Variants in PPP2R5E observed in about 807,000 individuals in gnomAD.
PPP2R5E encodes protein phosphatase 2 regulatory subunit B'epsilon, also known as serine/threonine-protein phosphatase 2A 56 kDa regulatory subunit epsilon isoform.
In PPP2R5E, 4 loss-of-function variants were observed where a neutral mutation model predicts 65.3. The ratio of observed to expected loss-of-function variants is 0.06; its 90% confidence interval spans 0.03 to 0.14. PPP2R5E has a LOEUF of 0.14. PPP2R5E is among the 10% of genes least tolerant of loss of function. The pLI is 1.00. For missense variants in PPP2R5E, 274 were observed against 556.1 expected (o/e 0.49, Z 5.10); for synonymous variants, 183 against 187.4 (o/e 0.98, Z 0.19).
intron 2 of PPP2R5E, among the ~76,000 whole-genome samples, chr14:63,461,935 T>G (rs1316689376): frequency 6.6e-6 from 1 of 151,992 alleles, no homozygotes; most frequent in Admixed American, 6.6e-5. Context: ...ATTTTTCACT[T>G]TTCCCAGTAC....
chr14:63,491,033 A>G (rs1440057916), intron 2 of PPP2R5E, among the ~76,000 whole-genome samples: 1 of 152,160 alleles, frequency 6.6e-6, no homozygotes, highest in Non-Finnish European at 1.5e-5. Context: ...CATATACACC[A>G]TGGAATACTA....
chr14:63,417,069 C>T (rs1436716358), intron 4 of PPP2R5E, among the ~76,000 whole-genome samples: 1 of 152,182 alleles, frequency 6.6e-6, no homozygotes, highest in Non-Finnish European at 1.5e-5. Flanking sequence ...TACTTTGTTA[C>T]ACTAAAATCC....
chr14:63,426,699 CAAA>C (rs1191603099), intron 3 of PPP2R5E, among the ~76,000 whole-genome samples: 2 of 54,790 alleles, frequency 3.7e-5, no homozygotes, highest in Non-Finnish European at 4.9e-5. Context: ...AAAGGCTTAT[CAAA>C]AAAAAAAAAA....
chr14:63,461,116 A>G (rs1368082740), intron 2 of PPP2R5E, among the ~76,000 whole-genome samples: 1 of 152,228 alleles, frequency 6.6e-6, no homozygotes, highest in Non-Finnish European at 1.5e-5. Flanking sequence ...AGATGCCACC[A>G]AAGGTTCTGA....
At chr14:63,426,711 A>T (rs1198978642) in intron 3 of PPP2R5E, among the ~76,000 whole-genome samples, 2 of 151,584 alleles carry the variant, frequency 1.3e-5, no homozygotes, top group Admixed American at 1.3e-4. Context: ...AAAAAAAAAA[A>T]AAAAAAAAAA....
intron 7 of PPP2R5E, among the ~76,000 whole-genome samples, chr14:63,394,923 T>C (rs1885235632): frequency 6.6e-6 from 1 of 152,072 alleles, no homozygotes; most frequent in South Asian, 2.1e-4. Flanking sequence ...TAAAAACTAA[T>C]GAGAATAAGA....
chr14:63,443,357 C>T (rs1888328119), intron 3 of PPP2R5E, among the ~76,000 whole-genome samples: 1 of 152,128 alleles, frequency 6.6e-6, no homozygotes, highest in Non-Finnish European at 1.5e-5. Context: ...CCAAGAAAAG[C>T]CAAGTCCTAG....
intron 2 of PPP2R5E, among the ~76,000 whole-genome samples, chr14:63,491,505 T>C (rs1016947863): frequency 6.6e-6 from 1 of 152,166 alleles, no homozygotes; most frequent in Non-Finnish European, 1.5e-5. Context: ...GGTTACATGT[T>C]GAAATGATAA....
chr14:63,384,723 A>G (rs1884561138), intron 11 of PPP2R5E, 152 bp from the exon 12 acceptor site: 2 of 562,998 alleles, frequency 3.6e-6, no homozygotes, highest in Non-Finnish European at 5.5e-6. Flanking sequence ...TTTAATATAT[A>G]TATATTTTTT....
chr14:63,447,606 T>C (rs1332661659), intron 3 of PPP2R5E, among the ~76,000 whole-genome samples: 1 of 152,254 alleles, frequency 6.6e-6, no homozygotes, highest in East Asian at 1.9e-4. Flanking sequence ...GTTGTTTTAC[T>C]TTCTTATCAT....
intron 2 of PPP2R5E, among the ~76,000 whole-genome samples, chr14:63,476,771 T>A (rs1039522831): frequency 2.0e-5 from 3 of 152,122 alleles, no homozygotes; most frequent in Admixed American, 6.5e-5. Context: ...CAATTAGTAA[T>A]CATAAAATCA....
chr14:63,479,712 G>C lies in PPP2R5E; in HGVS notation c.158-25827C>G, dbSNP rs77394404. On this transcript the variant is annotated intron_variant, in intron 2 of 13. Transcript: ENST00000337537. ...TGAAAAGGATGATCTCTGAGAATGG[G>C]AGAACCTAAAAAAAAATTCTCACTG... Among the ~76,000 whole-genome samples the C allele has an allele frequency of 8.1e-3, 1,237 of 152,196 alleles. 44 individuals are homozygous for C. In the East Asian group the frequency reaches 0.11, roughly 14 times the overall value.
At chr14:63,434,569 T>C (rs1202183372) in intron 3 of PPP2R5E, among the ~76,000 whole-genome samples, 2 of 152,214 alleles carry the variant, frequency 1.3e-5, no homozygotes, top group African/African-American at 2.4e-5. Flanking sequence ...TATCACCTTT[T>C]CCACTACGAC....
chr14:63,378,397 A>C (rs1884110379), intron 13 of PPP2R5E, among the ~76,000 whole-genome samples: 1 of 152,254 alleles, frequency 6.6e-6, no homozygotes, highest in Non-Finnish European at 1.5e-5. Context: ...AACTCCCACA[A>C]GCTTAGCGTT....
chr14:63,519,328 A>C (rs962002125), intron 2 of PPP2R5E, among the ~76,000 whole-genome samples: 3 of 152,074 alleles, frequency 2.0e-5, no homozygotes, highest in African/African-American at 7.2e-5. Flanking sequence ...AGGGTGTATA[A>C]ATGTTCTTGG....
chr14:63,448,970 T>A (rs1255387435), intron 3 of PPP2R5E, among the ~76,000 whole-genome samples: 1 of 152,172 alleles, frequency 6.6e-6, no homozygotes, highest in Admixed American at 6.5e-5. Context: ...ATTACTTTTA[T>A]CTCTTACTCT....
chr14:63,501,669 A>G (rs1373256086), intron 2 of PPP2R5E, among the ~76,000 whole-genome samples: 2 of 152,194 alleles, frequency 1.3e-5, no homozygotes, highest in African/African-American at 2.4e-5. Context: ...GAACATACTA[A>G]AAACTAATGA....
intron 2 of PPP2R5E, among the ~76,000 whole-genome samples, chr14:63,471,339 A>G (rs1890122886): frequency 6.6e-6 from 1 of 152,224 alleles, no homozygotes; most frequent in African/African-American, 2.4e-5. Flanking sequence ...TCTTGACTAT[A>G]AGCAATGTCA....
At position 63,396,167 on chromosome 14, in the gene PPP2R5E, AGAG is replaced by A. The variant is rs561054835; in HGVS notation, c.680+416_680+418del. The stretch of plus-strand genomic sequence containing the variant: ...GGGAGAAAGGAGGAGGACAGGGGAT[AGAG>A]GAGGAGGAGGAGAGAGGAGAGGAAA... On this transcript the variant is annotated intron_variant, in intron 6 of 13. Coordinates refer to ENST00000337537, the MANE Select transcript of PPP2R5E (RefSeq NM_006246.5). Among the ~76,000 whole-genome samples the A allele has an allele frequency of 3.1e-3, 207 of 66,810 alleles. 1 individual carries two copies. The highest frequency in any genetic ancestry group is 0.018 in the Middle Eastern group (2 of 112). 43.8% of individuals were successfully genotyped at this position (66,810 alleles called of 152,430 possible).
Sources: gnomAD v4.1 joint callset for allele counts (sites outside exome capture counted in the v4.1 genomes callset) on GRCh38, gnomAD v4.1.1 for gene constraint, MANE v1.5 for transcripts, NCBI Gene and HGNC (gene_info 2026-07-23, HGNC 2026-07-21) for gene names.